AGBL1: variants seen among roughly 807,000 people sequenced by gnomAD.
The protein encoded by AGBL1 is AGBL carboxypeptidase 1, also known as cytosolic carboxypeptidase 4.
Under a neutral mutation model 118.9 loss-of-function variants are expected in AGBL1, and 130 were observed. The observed-to-expected ratio is 1.09, with a 90% CI of 0.95 to 1.26. The LOEUF is 1.26. AGBL1 is among the 50% of genes most tolerant of loss of function. The pLI is 0.00. For synonymous variants in AGBL1, 555 were observed against 478.9 expected, an observed-to-expected ratio of 1.16 and a Z score of -2.08; for missense variants, 1,584 against 1,298.1, an observed-to-expected ratio of 1.22 and a Z score of -3.38.
chr15:86,791,250 A>G (rs2078489301), intron 22 of AGBL1, among the ~76,000 whole-genome samples: 1 of 152,192 alleles, frequency 6.6e-6, no homozygotes, highest in South Asian at 2.1e-4. Flanking sequence ...CTTAGGCTAA[A>G]CTTTCTGAGT....
At chr15:86,593,512 C>T (rs891870776) in intron 21 of AGBL1, among the ~76,000 whole-genome samples, 1 of 152,092 alleles carries the variant, frequency 6.6e-6, no homozygotes, top group Non-Finnish European at 1.5e-5. Context: ...TCTTCAACAG[C>T]TGGGAATTGA....
chr15:86,471,679 T>C (rs1246304949), intron 18 of AGBL1, among the ~76,000 whole-genome samples: 2 of 152,164 alleles, frequency 1.3e-5, no homozygotes, highest in African/African-American at 4.8e-5. Context: ...CTTCTCTTTG[T>C]AAATTTTCCC....
intron 17 of AGBL1, among the ~76,000 whole-genome samples, chr15:86,337,355 G>A (rs995246820): frequency 1.3e-5 from 2 of 152,096 alleles, no homozygotes; most frequent in Non-Finnish European, 2.9e-5. Context: ...AAAAAAGTAG[G>A]AAGGAAAAGA....
At chr15:86,926,854 A>C (rs1436197757) in intron 23 of AGBL1, among the ~76,000 whole-genome samples, 2 of 152,114 alleles carry the variant, frequency 1.3e-5, no homozygotes, top group Non-Finnish European at 2.9e-5. Context: ...TAAAATCTCC[A>C]CTCAGGCCAG....
intron 7 of AGBL1, among the ~76,000 whole-genome samples, chr15:86,250,376 A>T (rs2078792110): frequency 6.6e-6 from 1 of 151,778 alleles, no homozygotes; most frequent in Admixed American, 6.6e-5. Flanking sequence ...AATACAAAAA[A>T]TTAGCCGGGC....
intron 24 of AGBL1, among the ~76,000 whole-genome samples, chr15:86,991,235 ATTTG>A (rs977705371): frequency 5.9e-5 from 9 of 151,900 alleles, no homozygotes; most frequent in African/African-American, 1.7e-4. Flanking sequence ...TTTTTTGTTC[ATTTG>A]TTTGTTTGTT....
chr15:86,617,898 T>TA (rs2084753492), intron 21 of AGBL1, among the ~76,000 whole-genome samples: 1 of 152,168 alleles, frequency 6.6e-6, no homozygotes, highest in Non-Finnish European at 1.5e-5. Flanking sequence ...AAACAAAACA[T>TA]ATTATTCCTA....
intron 17 of AGBL1, among the ~76,000 whole-genome samples, chr15:86,307,831 C>T (rs965245590): frequency 3.3e-5 from 5 of 151,916 alleles, no homozygotes; most frequent in Admixed American, 2.0e-4. Context: ...GATTAAAGAA[C>T]AATAATAAAA....
At chr15:86,366,154 A>C (rs1185855975) in intron 17 of AGBL1, among the ~76,000 whole-genome samples, 1 of 152,162 alleles carries the variant, frequency 6.6e-6, no homozygotes, top group East Asian at 1.9e-4. Flanking sequence ...TTTATCTAGA[A>C]AAGGCTGTAA....
intron 6 of AGBL1, among the ~76,000 whole-genome samples, chr15:86,245,202 A>G (rs1483678780): frequency 2.6e-5 from 4 of 152,330 alleles, no homozygotes; most frequent in Admixed American, 2.0e-4. Flanking sequence ...TATGAAAAAA[A>G]TCCCCTCTGG....
At chr15:86,626,344 C>T (rs1227138110) in intron 21 of AGBL1, among the ~76,000 whole-genome samples, 2 of 152,066 alleles carry the variant, frequency 1.3e-5, no homozygotes, top group Non-Finnish European at 1.5e-5. Context: ...AGAACGAGAC[C>T]ATGTCCTTTG....
intron 21 of AGBL1, among the ~76,000 whole-genome samples, chr15:86,559,784 G>A (rs1365821910): frequency 1.3e-5 from 2 of 152,048 alleles, no homozygotes; most frequent in Non-Finnish European, 2.9e-5. Flanking sequence ...GCCAGGATTT[G>A]AAGCCAGACA....
At chr15:86,315,300 CTCAG>C (rs1158521939) in intron 17 of AGBL1, among the ~76,000 whole-genome samples, 3 of 152,292 alleles carry the variant, frequency 2.0e-5, no homozygotes, top group Admixed American at 6.5e-5. Flanking sequence ...TGGGCTTTCT[CTCAG>C]AGTAGCTAGG....
At chr15:86,283,816 C>T (rs1259275577) in intron 16 of AGBL1, among the ~76,000 whole-genome samples, 2 of 152,084 alleles carry the variant, frequency 1.3e-5, no homozygotes, top group Non-Finnish European at 2.9e-5. Context: ...ATGAATGGTA[C>T]AGTCTTTGAC....
intron 17 of AGBL1, among the ~76,000 whole-genome samples, chr15:86,355,914 A>C (rs1485236298): frequency 6.6e-6 from 1 of 152,142 alleles, no homozygotes. Flanking sequence ...CTTTGCAAAC[A>C]TCCTGATTAT....
rs374212441 is a variant in AGBL1 at position 86,560,144 on chromosome 15, C to CT, written c.2994+5617dup. Reference sequence around the variant, plus strand: ...TGCAATTTTTCTTTTTTTTCTTGTACTTTTTTTTTTATATACTTTAAGTTC... The same window carrying CT: ...TGCAATTTTTCTTTTTTTTCTTGTACTTTTTTTTTTTATATACTTTAAGTTC... On this transcript the variant is annotated intron_variant, in intron 21 of 22. Coordinates refer to ENST00000614907, the MANE Select transcript of AGBL1 (RefSeq NM_001386094.1). Among the ~76,000 whole-genome samples, 44 of 148,498 alleles carry CT rather than the reference C, an allele frequency of 3.0e-4. No individual in the cohort carries two copies. The South Asian group carries it at 3.0e-3, about 10-fold the overall frequency.
chr15:86,737,628 G>A (rs2077620786), intron 22 of AGBL1, among the ~76,000 whole-genome samples: 1 of 152,102 alleles, frequency 6.6e-6, no homozygotes, highest in African/African-American at 2.4e-5. Flanking sequence ...ATGTTTCAGG[G>A]AGAATGACAT....
intron 17 of AGBL1, among the ~76,000 whole-genome samples, chr15:86,383,733 G>A (rs2081144925): frequency 6.6e-6 from 1 of 152,198 alleles, no homozygotes; most frequent in African/African-American, 2.4e-5. Context: ...CTGCAGTGCT[G>A]CAAGAGCAGA....
At chr15:86,865,927 G>C (rs1036219666) in intron 22 of AGBL1, among the ~76,000 whole-genome samples, 1 of 152,148 alleles carries the variant, frequency 6.6e-6, no homozygotes, top group Admixed American at 6.5e-5. Context: ...GAAGTGTTTA[G>C]TTCTAGGTCT....
Sources: allele counts gnomAD v4.1 joint callset (sites outside exome capture counted in the v4.1 genomes callset), GRCh38; gene constraint gnomAD v4.1.1; transcripts MANE v1.5; gene names NCBI Gene and HGNC (gene_info 2026-07-23, HGNC 2026-07-21).